OR4K14: variants seen among roughly 807,000 people sequenced by gnomAD.
The protein encoded by OR4K14 is olfactory receptor family 4 subfamily K member 14, also known as olfactory receptor 4K14.
For synonymous variants in OR4K14, 153 were observed against 141.5 expected (o/e 1.08, Z -0.58); for missense variants, 406 against 373.6 (o/e 1.09, Z -0.72).
chr14:20,017,954 C>A (rs754912137), intron 1 of OR4K14, among the ~76,000 whole-genome samples: 4 of 151,972 alleles, frequency 2.6e-5, no homozygotes, highest in Non-Finnish European at 4.4e-5. Flanking sequence ...TGGAGTCTCA[C>A]TCTCCTCACT....
In OR4K14 at chr14:20,014,535, G is replaced by T. The variant is rs191053630; in HGVS notation, c.659C>A (p.Thr220Asn). 2.4e-5 allele frequency: 39 copies of T among 1,614,090 alleles called. No individual in the cohort carries two copies. In the East Asian group the frequency reaches 8.2e-4, roughly 34 times the overall value. Residue 220 changes from threonine to asparagine, a missense_variant, in exon 2 of 2, where the codon ACC becomes AAC. Thr to Asn is a moderately conservative substitution (Grantham distance 65). Coordinates refer to ENST00000641793, the MANE Select transcript of OR4K14 (RefSeq NM_001004712.2). ...CTGTCTGATAGCGAGGAGGATCACG[G>T]TGTAGGAGATCAGGAGGAGCAGAAA... The part of the protein sequence containing the change: ...SCFLLLLISY[T>N]VILLAIRQRA...
chr14:20,014,701 C>A lies in OR4K14; in HGVS notation c.493G>T (p.Val165Leu), dbSNP rs1375744055. ...TTGGGGCCACAGTAAGGCAAATTTACAGTGAAAGCCACTTGACTGATGGAG... is the reference window on the plus strand; with the variant it reads ...TTGGGGCCACAGTAAGGCAAATTTAAAGTGAAAGCCACTTGACTGATGGAG... ...VHSISQVAFTVNLPYCGPNEV... is the reference protein window; with the variant it reads ...VHSISQVAFTLNLPYCGPNEV... The change falls in exon 2 of 2, where the codon GTA becomes TTA. Residue 165 changes from valine to leucine, a missense_variant. Val to Leu is a conservative substitution (Grantham distance 32). Coordinates refer to ENST00000641793, the MANE Select transcript of OR4K14 (RefSeq NM_001004712.2). 2.5e-6 allele frequency: 4 copies of A among 1,614,080 alleles called. No individual in the cohort carries two copies. The South Asian group carries it at 4.4e-5, about 18-fold the overall frequency.
Position 20,014,327 on chromosome 14 carries a change from T to C in OR4K14, c.867A>G (p.Thr289=). The part of the protein sequence containing the change: ...FTPLLNPIIY[T]LRNEEMKAAM... ...CTGCTTTCATCTCCTCATTTCTCAA[T>C]GTGTAGATAATGGGGTTCAGGAGTG... The change falls in exon 2 of 2, where the codon ACA becomes ACG. Residue 289 remains threonine (T), a synonymous_variant. Coordinates refer to ENST00000641793, the MANE Select transcript of OR4K14 (RefSeq NM_001004712.2). 4 of 1,613,178 alleles carry C rather than the reference T, an allele frequency of 2.5e-6. No homozygotes were observed. Among genetic ancestry groups the C allele is most frequent in the South Asian group, 1.1e-5 (1 of 90,944 alleles).
chr14:20,018,102 G>A (rs1322079514), intron 1 of OR4K14, among the ~76,000 whole-genome samples: 1 of 151,992 alleles, frequency 6.6e-6, no homozygotes, highest in Non-Finnish European at 1.5e-5. Flanking sequence ...CATAAAAGAA[G>A]AGTCTTGTAA....
rs763098521 is a variant in OR4K14, at chr14:20,014,683, C to A, written c.511G>T (p.Gly171Cys). The change falls in exon 2 of 2, where the codon GGC becomes TGC. Residue 171 changes from glycine to cysteine, a missense_variant. Transcript: ENST00000641793. ...AAGAAGCTGTCTACCTCATTGGGGC[C>A]ACAGTAAGGCAAATTTACAGTGAAA... ...VAFTVNLPYC[G>C]PNEVDSFFCD... 6.2e-7 allele frequency: 1 copy of A among 1,614,034 alleles called. No individual in the cohort carries two copies. Among genetic ancestry groups the A allele is most frequent in the Non-Finnish European group, 8.5e-7 (1 of 1,180,004 alleles).
intron 1 of OR4K14, among the ~76,000 whole-genome samples, chr14:20,017,027 T>C (rs1482931384): frequency 6.6e-6 from 1 of 152,082 alleles, no homozygotes; most frequent in Admixed American, 6.5e-5. Context: ...ACTCAAGAAA[T>C]TGCTTCCTAT....
At chr14:20,018,600 C>T (rs945155846) in intron 1 of OR4K14, among the ~76,000 whole-genome samples, 3 of 151,862 alleles carry the variant, frequency 2.0e-5, no homozygotes, top group Non-Finnish European at 4.4e-5. Flanking sequence ...ATTTAATATA[C>T]TTTTTAATAA....
At position 20,014,646 on chromosome 14, in the gene OR4K14, G is replaced by A; in HGVS notation, c.548C>T (p.Pro183Leu). 2 of 1,614,048 alleles carry A rather than the reference G, an allele frequency of 1.2e-6. No individual in the cohort carries two copies. The highest frequency in any genetic ancestry group is 4.5e-5 in the East Asian group (2 of 44,872). Residue 183 changes from proline to leucine, a missense_variant, in exon 2 of 2, where the codon CCT becomes CTT. Coordinates refer to ENST00000641793, the MANE Select transcript of OR4K14 (RefSeq NM_001004712.2). Reference protein sequence around the residue: ...NEVDSFFCDLPLVIKLACMDT... With the variant: ...NEVDSFFCDLLLVIKLACMDT... ...CATGCAGGCAAGTTTGATCACCAGA[G>A]GGAGGTCACAGAAGAAGCTGTCTAC...
At position 20,014,541 on chromosome 14, in the gene OR4K14, G is replaced by C. The variant is rs992212775; in HGVS notation, c.653C>G (p.Ser218Cys). The change falls in exon 2 of 2, where the codon TCC becomes TGC. Residue 218 changes from serine (S) to cysteine (C), a missense_variant. Physicochemically the swap from Ser to Cys is moderately radical, Grantham distance 112. Coordinates refer to ENST00000641793, the MANE Select transcript of OR4K14 (RefSeq NM_001004712.2). ...GATAGCGAGGAGGATCACGGTGTAG[G>C]AGATCAGGAGGAGCAGAAAACAGCT... ...SLSCFLLLLI[S>C]YTVILLAIRQ... The C allele has an allele frequency of 1.2e-6, 2 of 1,614,096 alleles. No homozygotes were observed. The highest frequency in any genetic ancestry group is 1.7e-6 in the Non-Finnish European group (2 of 1,179,998).
Position 20,014,209 on chromosome 14 carries a change from A to G in OR4K14, c.*52T>C. On this transcript the variant is annotated 3_prime_UTR_variant, in exon 2 of 2. Coordinates refer to ENST00000641793, the MANE Select transcript of OR4K14 (RefSeq NM_001004712.2). ...TCTTTGAGCAGAATTATATTAAAGAAATTATATCTGCTGAATGAATAGAAA... is the reference window on the plus strand; with the variant it reads ...TCTTTGAGCAGAATTATATTAAAGAGATTATATCTGCTGAATGAATAGAAA... The G allele has an allele frequency of 8.6e-7, 1 of 1,165,324 alleles. No individual in the cohort carries two copies. Among genetic ancestry groups the G allele is most frequent in the Non-Finnish European group, 1.2e-6 (1 of 820,344 alleles). The allele number at this position is 1,165,324 out of a possible 1,614,324, so 72.2% of individuals were successfully genotyped here. A position where few individuals can be genotyped will look rare whatever the true frequency, so the allele number is the denominator to read the frequency against.
chr14:20,015,096 C>G lies in OR4K14; in HGVS notation c.98G>C (p.Gly33Ala). 5 of 1,613,672 alleles carry G rather than the reference C, an allele frequency of 3.1e-6. No homozygotes were observed. The highest frequency in any genetic ancestry group is 4.2e-6 in the Non-Finnish European group (5 of 1,179,800). ...ACCCAGCATAATGGCCACATAGACCCCAAAGAAAAATATAAAGAAAAAATT... is the reference window on the plus strand; with the variant it reads ...ACCCAGCATAATGGCCACATAGACCGCAAAGAAAAATATAAAGAAAAAATT... ...LQNFFFIFFF[G>A]VYVAIMLGNL... The change falls in exon 2 of 2, where the codon GGG becomes GCG. Residue 33 changes from glycine to alanine, a missense_variant. Transcript: ENST00000641793.
At position 20,015,140 on chromosome 14, in the gene OR4K14, G is replaced by A. The variant is rs2138660861; in HGVS notation, c.54C>T (p.Cys18=). 19 of 1,613,744 alleles carry A rather than the reference G, an allele frequency of 1.2e-5. No individual in the cohort carries two copies. Among genetic ancestry groups the A allele is most frequent in the Non-Finnish European group, 1.6e-5 (19 of 1,179,774 alleles). The part of the protein sequence containing the change: ...LVSEFVLHGL[C]TSRHLQNFFF... The stretch of plus-strand genomic sequence containing the variant: ...AAAAATTTTGAAGATGTCGTGAAGT[G>A]CAGAGTCCATGCAACACAAATTCTG... Residue 18 remains cysteine (C), a synonymous_variant, in exon 2 of 2, where the codon TGC becomes TGT. Coordinates refer to ENST00000641793, the MANE Select transcript of OR4K14 (RefSeq NM_001004712.2).
At position 20,016,745 on chromosome 14, in the gene OR4K14, T is replaced by C. The variant is rs12884763; in HGVS notation, c.-29-1523A>G. On this transcript the variant is annotated intron_variant, in intron 1 of 1. Transcript: ENST00000641793. Reference sequence around the variant, plus strand: ...AGAATATTTCAATATGCTGGAAATATGGGCCGTAATCAGCAAACTAGAGAG... The same window carrying C: ...AGAATATTTCAATATGCTGGAAATACGGGCCGTAATCAGCAAACTAGAGAG... Among the ~76,000 whole-genome samples the C allele has an allele frequency of 2.6e-5, 4 of 152,222 alleles. 1 individual carries two copies. Among genetic ancestry groups the C allele is most frequent in the Admixed American group, 2.6e-4 (4 of 15,294 alleles).
intron 1 of OR4K14, among the ~76,000 whole-genome samples, chr14:20,018,429 G>A (rs997538095): frequency 6.6e-6 from 1 of 151,802 alleles, no homozygotes; most frequent in African/African-American, 2.4e-5. Flanking sequence ...CGGGTAGAAG[G>A]GACATAATCA....
At chr14:20,016,581 G>A (rs12147889) in intron 1 of OR4K14, among the ~76,000 whole-genome samples, 115,540 of 152,048 alleles carry the variant, frequency 0.76, 45,651 homozygotes, top group East Asian at 0.98. Flanking sequence ...GTGTTAATCT[G>A]TGCTATCAGG....
Position 20,014,273 on chromosome 14 carries a change from C to A in OR4K14, c.921G>T (p.Val307=). 2 of 1,593,354 alleles carry A rather than the reference C, an allele frequency of 1.3e-6. No homozygotes were observed. Among genetic ancestry groups the A allele is most frequent in the South Asian group, 2.3e-5 (2 of 88,086 alleles). Residue 307 remains valine (V), a synonymous_variant, in exon 2 of 2, where the codon GTG becomes GTT. Coordinates refer to ENST00000641793, the MANE Select transcript of OR4K14 (RefSeq NM_001004712.2). ...AAMKKLQNRR[V]TFQ Reference sequence around the variant, plus strand: ...GGAAGGCTGGATTTCATTGAAAAGTCACCCGTCGGTTTTGCAGTTTCTTCA... The same window carrying A: ...GGAAGGCTGGATTTCATTGAAAAGTAACCCGTCGGTTTTGCAGTTTCTTCA...
At position 20,014,915 on chromosome 14, in the gene OR4K14, G is replaced by C; in HGVS notation, c.279C>G (p.Ile93Met). 1 of 1,614,148 alleles carries C rather than the reference G, an allele frequency of 6.2e-7. No homozygotes were observed. The highest frequency in any genetic ancestry group is 8.5e-7 in the Non-Finnish European group (1 of 1,180,026). The change falls in exon 2 of 2, where the codon ATC (isoleucine) becomes ATG (methionine). Residue 93 changes from isoleucine to methionine, a missense_variant. By Grantham distance (10) the Ile-to-Met change is conservative. Coordinates refer to ENST00000641793, the MANE Select transcript of OR4K14 (RefSeq NM_001004712.2). ...TTTGAGCCATACATCCTCCAAAGGA[G>C]ATGAGTTTTTGATCACTAAGGAAAT... ...IRDFLSDQKL[I>M]SFGGCMAQIF...
intron 1 of OR4K14, among the ~76,000 whole-genome samples, chr14:20,018,461 G>T (rs539458043): frequency 5.3e-5 from 8 of 152,122 alleles, no homozygotes; most frequent in African/African-American, 1.7e-4. Flanking sequence ...TTCTTAGGAA[G>T]TTTAGTCAGA....
At position 20,014,648 on chromosome 14, in the gene OR4K14, G is replaced by A. The variant is rs1877052403; in HGVS notation, c.546C>T (p.Leu182=). Residue 182 remains leucine (L), a synonymous_variant, in exon 2 of 2, where the codon CTC becomes CTT. Coordinates refer to ENST00000641793, the MANE Select transcript of OR4K14 (RefSeq NM_001004712.2). ...PNEVDSFFCD[L]PLVIKLACMD... is the part of the protein sequence containing the mutation. Reference sequence around the variant, plus strand: ...TGCAGGCAAGTTTGATCACCAGAGGGAGGTCACAGAAGAAGCTGTCTACCT... The same window carrying A: ...TGCAGGCAAGTTTGATCACCAGAGGAAGGTCACAGAAGAAGCTGTCTACCT... The A allele has an allele frequency of 6.2e-7, 1 of 1,614,050 alleles. No homozygotes were observed. The highest frequency in any genetic ancestry group is 1.1e-5 in the South Asian group (1 of 91,070).
Sources: allele counts gnomAD v4.1 joint callset (sites outside exome capture counted in the v4.1 genomes callset), GRCh38; gene constraint gnomAD v4.1.1; transcripts MANE v1.5; gene names NCBI Gene and HGNC (gene_info 2026-07-23, HGNC 2026-07-21).